MCPH1: variants seen among roughly 807,000 people sequenced by gnomAD.
MCPH1 encodes the protein microcephalin.
In MCPH1, 104 loss-of-function variants were observed where a neutral mutation model predicts 84.5. That is an observed-to-expected ratio of 1.23 (90% CI 1.05 to 1.45). MCPH1 has a LOEUF of 1.45. Ranked by LOEUF, MCPH1 falls within the 40% of genes most tolerant of loss-of-function variation. The probability of loss-of-function intolerance (pLI) is 0.00; values close to 1 mark genes in which losing one functional copy is unlikely to be tolerated. For synonymous variants in MCPH1, 514 were observed against 366.8 expected (o/e 1.40, Z -4.58); for missense variants, 1,498 against 1,005.7 (o/e 1.49, Z -6.62).
intron 12 of MCPH1, among the ~76,000 whole-genome samples, chr8:6,546,319 T>C (rs2044744): frequency 0.99 from 151,472 of 152,344 alleles, 75,309 homozygotes; most frequent in Middle Eastern, 1. Flanking sequence ...CTCAAAGCAG[T>C]TCACCGTTTC....
At chr8:6,423,863 A>C (rs1037889736) in intron 3 of MCPH1, among the ~76,000 whole-genome samples, 4 of 152,226 alleles carry the variant, frequency 2.6e-5, no homozygotes, top group African/African-American at 4.8e-5. Context: ...GTGAGTTATC[A>C]GTTCTTCTTT....
intron 12 of MCPH1, among the ~76,000 whole-genome samples, chr8:6,514,499 T>C (rs987038491): frequency 6.6e-6 from 1 of 152,204 alleles, no homozygotes; most frequent in African/African-American, 2.4e-5. Context: ...GCAGCTTTTG[T>C]TTTGATACAG....
rs2980674 is a variant in MCPH1, at chr8:6,602,231, C to T, written c.2215-19223C>T. ...GGAGGGAGGCAACAAGGGGCCAGCC[C>T]GTGGGGAGCCTTAAGCACCAAGAGC... On this transcript the variant is annotated intron_variant, in intron 12 of 13. Transcript: ENST00000344683. Among the ~76,000 whole-genome samples, 4 of 152,148 alleles carry T rather than the reference C, an allele frequency of 2.6e-5. No individual in the cohort carries two copies. The East Asian group carries it at 5.8e-4, about 22-fold the overall frequency.
intron 4 of MCPH1, among the ~76,000 whole-genome samples, chr8:6,434,190 A>C (rs1369337525): frequency 6.6e-6 from 1 of 152,178 alleles, no homozygotes; most frequent in Non-Finnish European, 1.5e-5. Context: ...GATGGAATAC[A>C]GTTGCTAGAG....
rs565588523 is a variant in MCPH1 at position 6,628,156 on chromosome 8, C to G, written c.2452+6465C>G. On this transcript the variant is annotated intron_variant, in intron 13 of 13. Transcript: ENST00000344683. ...AACTAAACTCACTGGATGTGAATTGCATCAGAGATGTAAACATTTAAAAGC... is the reference window on the plus strand; with the variant it reads ...AACTAAACTCACTGGATGTGAATTGGATCAGAGATGTAAACATTTAAAAGC... 5.5e-4 allele frequency among the ~76,000 whole-genome samples: 84 copies of G among 152,048 alleles called. 1 individual carries two copies. Among genetic ancestry groups the G allele is most frequent in the Non-Finnish European group, 6.9e-4 (47 of 68,010 alleles).
intron 12 of MCPH1, chr8:6,532,182 T>C: frequency 1.1e-6 from 1 of 908,536 alleles, no homozygotes; most frequent in Non-Finnish European, 1.7e-6. Flanking sequence ...TAAGCAGCCA[T>C]ACATCCTTAA....
At chr8:6,473,863 C>T (rs1808086106) in intron 9 of MCPH1, 3 of 1,486,526 alleles carry the variant, frequency 2.0e-6, no homozygotes, top group Non-Finnish European at 2.7e-6. Context: ...AATCTTTGAT[C>T]CACTGCTCAA....
intron 12 of MCPH1, among the ~76,000 whole-genome samples, chr8:6,565,443 A>G (rs1826072458): frequency 3.3e-5 from 5 of 152,160 alleles, no homozygotes; most frequent in Admixed American, 2.6e-4. Context: ...TATTTTTTGT[A>G]GAGACGGGGT....
At position 6,592,614 on chromosome 8, in the gene MCPH1, C is replaced by CTTTTT. The variant is rs1252024553; in HGVS notation, c.2215-28836_2215-28832dup. 7.3e-3 allele frequency among the ~76,000 whole-genome samples: 475 copies of CTTTTT among 65,324 alleles called. 22 individuals carry two copies. Among genetic ancestry groups the CTTTTT allele is most frequent in the Non-Finnish European group, 9.9e-3 (326 of 32,868 alleles). The allele number at this position is 65,324 out of a possible 152,430, so 42.9% of individuals were successfully genotyped here. On this transcript the variant is annotated intron_variant, in intron 12 of 13. Coordinates refer to ENST00000344683, the MANE Select transcript of MCPH1 (RefSeq NM_024596.5). ...GTCATCTAGGCTCTCGTTTTTCTTT[C>CTTTTT]TTTTTTTTGTTTTTTTTTTTTTTTT... is the stretch of plus-strand genomic sequence containing the variant.
chr8:6,579,056 G>GGC (rs1827340732), intron 12 of MCPH1, among the ~76,000 whole-genome samples: 1 of 152,218 alleles, frequency 6.6e-6, no homozygotes, highest in African/African-American at 2.4e-5. Flanking sequence ...TGGGATGGAG[G>GGC]CTGCTTCCCG....
chr8:6,621,853 C>T (rs191623170), intron 13 of MCPH1, among the ~76,000 whole-genome samples, 162 bp downstream of exon 13: 4 of 152,096 alleles, frequency 2.6e-5, no homozygotes, highest in East Asian at 1.9e-4. Flanking sequence ...TGGTCACCCT[C>T]GGCATTCCCG....
chr8:6,472,349 A>C (rs1361941817), intron 9 of MCPH1, among the ~76,000 whole-genome samples: 1 of 152,276 alleles, frequency 6.6e-6, no homozygotes, highest in Non-Finnish European at 1.5e-5. Flanking sequence ...ATAACTTATC[A>C]ATAGTAACAC....
chr8:6,485,639 T>A (rs139457675), intron 11 of MCPH1, among the ~76,000 whole-genome samples: 1 of 152,334 alleles, frequency 6.6e-6, no homozygotes, highest in East Asian at 1.9e-4. Flanking sequence ...AATGTATGTC[T>A]GTATTGCCCT....
rs1217185570 is a variant in MCPH1 at position 6,438,999 on chromosome 8, A to G, written c.483A>G (p.Ile161Met). 5.0e-6 allele frequency: 8 copies of G among 1,609,700 alleles called. No homozygotes were observed. Among genetic ancestry groups the G allele is most frequent in the Non-Finnish European group, 6.0e-6 (7 of 1,176,340 alleles). Residue 161 changes from isoleucine to methionine, a missense_variant, in exon 6 of 14, where the codon ATA becomes ATG. Physicochemically the swap from Ile to Met is conservative, Grantham distance 10 (BLOSUM62 1). Coordinates refer to ENST00000344683, the MANE Select transcript of MCPH1 (RefSeq NM_024596.5). Reference protein sequence around the residue: ...ILLFESNGSLIYTPTIEINSR... With the variant: ...ILLFESNGSLMYTPTIEINSR... Reference sequence around the variant, plus strand: ...TATTTGAATCTAATGGTTCATTAATATATACTCCCACAATTGAAATTAATA... The same window carrying G: ...TATTTGAATCTAATGGTTCATTAATGTATACTCCCACAATTGAAATTAATA...
intron 9 of MCPH1, among the ~76,000 whole-genome samples, chr8:6,461,156 C>G (rs533690622): frequency 6.6e-6 from 1 of 152,158 alleles, no homozygotes; most frequent in East Asian, 1.9e-4. Flanking sequence ...GTGAAAAAAA[C>G]CATGATTCCA....
chr8:6,554,474 A>C (rs1029676276), intron 12 of MCPH1, among the ~76,000 whole-genome samples: 1 of 152,154 alleles, frequency 6.6e-6, no homozygotes, highest in Non-Finnish European at 1.5e-5. Flanking sequence ...CAAGATTTCT[A>C]TATCTTAGTA....
intron 12 of MCPH1, among the ~76,000 whole-genome samples, chr8:6,599,753 A>C (rs1271768681): frequency 2.0e-5 from 3 of 152,212 alleles, no homozygotes; most frequent in African/African-American, 7.2e-5. Context: ...TGAGGGTAGG[A>C]AGTTACAGAG....
At chr8:6,459,956 A>G (rs1469956776) in intron 9 of MCPH1, among the ~76,000 whole-genome samples, 1 of 152,206 alleles carries the variant, frequency 6.6e-6, no homozygotes, top group Non-Finnish European at 1.5e-5. Context: ...GCGAGAAGAG[A>G]GAGGCTGACT....
chr8:6,444,722 C>A lies in MCPH1; in HGVS notation c.1000C>A (p.Pro334Thr), dbSNP rs1563217690. Residue 334 changes from proline (P) to threonine (T), a missense_variant, in exon 8 of 14, where the codon CCT becomes ACT. Pro to Thr is a conservative substitution (Grantham distance 38, BLOSUM62 -1). Coordinates refer to ENST00000344683, the MANE Select transcript of MCPH1 (RefSeq NM_024596.5). ...ETFEEKYRLS[P>T]TLSSTKGHLL... The stretch of plus-strand genomic sequence containing the variant: ...GTTTGAAGAGAAGTATCGTTTGTCT[C>A]CTACCTTATCTTCAACAAAAGGCCA... 6.2e-7 allele frequency: 1 copy of A among 1,613,916 alleles called. No individual in the cohort carries two copies. Among genetic ancestry groups the A allele is most frequent in the South Asian group, 1.1e-5 (1 of 91,062 alleles).
Sources: allele counts gnomAD v4.1 joint callset (sites outside exome capture counted in the v4.1 genomes callset), GRCh38; gene constraint gnomAD v4.1.1; transcripts MANE v1.5; gene names NCBI Gene and HGNC (gene_info 2026-07-23, HGNC 2026-07-21).